The following XRN1 variants were observed in gnomAD, a reference collection of about 807,000 sequenced individuals.
XRN1 encodes the protein strand-exchange protein 1 homolog.
A neutral mutation model predicts 222.3 loss-of-function variants in XRN1; 67 were observed. That is an observed-to-expected ratio of 0.30 (90% CI 0.25 to 0.37). XRN1 has a LOEUF of 0.37. Among genes scored for constraint, XRN1 ranks in the 10% least tolerant of loss-of-function variants. The pLI is 1.00. For synonymous variants in XRN1, 643 were observed against 652.4 expected, an observed-to-expected ratio of 0.99 and a Z score of 0.22; for missense variants, 1,707 against 2,000.2, an observed-to-expected ratio of 0.85 and a Z score of 2.80.
rs537345336 is a variant in XRN1, at chr3:142,434,142, ATTTATT to A, written c.76-1255_76-1250del. 5.9e-4 allele frequency among the ~76,000 whole-genome samples: 89 copies of A among 152,010 alleles called. 1 individual carries two copies. The South Asian group carries it at 0.018, about 30-fold the overall frequency. On this transcript the variant is annotated intron_variant, in intron 1 of 40. Coordinates refer to ENST00000392981, the MANE Select transcript of XRN1 (RefSeq NM_001282857.2). Reference sequence around the variant, plus strand: ...TGTGACTTTTCAACAGGGGTATTTTATTTATTTTTATTTTTATTTTTTGAGACAGGG... The same window carrying A: ...TGTGACTTTTCAACAGGGGTATTTTATTTATTTTTATTTTTTGAGACAGGG...
At chr3:142,419,726 C>T (rs975808309) in intron 10 of XRN1, among the ~76,000 whole-genome samples, 6 of 151,658 alleles carry the variant, frequency 4.0e-5, no homozygotes, top group African/African-American at 9.7e-5. Context: ...GGAATTCAAG[C>T]GAACCCAGGA....
rs746896799 is a variant in XRN1, at chr3:142,308,365, G to C, written c.*3146C>G. 1 of 152,000 alleles carries C rather than the reference G, an allele frequency of 6.6e-6. No individual in the cohort carries two copies. Among genetic ancestry groups the C allele is most frequent in the Non-Finnish European group, 1.5e-5 (1 of 68,006 alleles). 9.4% of individuals were successfully genotyped at this position (152,000 alleles called of 1,614,324 possible). ...AAGTAGCAGTCTAAAATGAAAGCAGGTACCTGATCATAGAAAGAAACAATA... is the reference window on the plus strand; with the variant it reads ...AAGTAGCAGTCTAAAATGAAAGCAGCTACCTGATCATAGAAAGAAACAATA... On this transcript the variant is annotated 3_prime_UTR_variant, in exon 41 of 41. Transcript: ENST00000392981.
chr3:142,411,356 T>G (rs2108061665), intron 15 of XRN1, among the ~76,000 whole-genome samples: 1 of 152,334 alleles, frequency 6.6e-6, no homozygotes, highest in South Asian at 2.1e-4. Flanking sequence ...TCTGCTTCTT[T>G]TTATTTCCTT....
At chr3:142,398,854 G>C (rs1338979838) in intron 19 of XRN1, among the ~76,000 whole-genome samples, 1 of 151,668 alleles carries the variant, frequency 6.6e-6, no homozygotes, top group Admixed American at 6.6e-5. Context: ...AAATAAAAAG[G>C]AAAAAATATT....
intron 31 of XRN1, among the ~76,000 whole-genome samples, 184 bp from the exon 32 acceptor site, chr3:142,355,680 G>GGT (rs2066448353): frequency 6.6e-6 from 1 of 151,972 alleles, no homozygotes; most frequent in Non-Finnish European, 1.5e-5. Context: ...GGGGAGCTGT[G>GGT]GTGGGGTCAT....
intron 20 of XRN1, among the ~76,000 whole-genome samples, chr3:142,387,224 T>C (rs556459064): frequency 6.6e-6 from 1 of 152,254 alleles, no homozygotes; most frequent in East Asian, 1.9e-4. Flanking sequence ...AAGAATACAC[T>C]CTGTGTGAAT....
At chr3:142,363,155 G>A (rs757048310) in intron 29 of XRN1, among the ~76,000 whole-genome samples, 7 of 151,872 alleles carry the variant, frequency 4.6e-5, no homozygotes, top group Non-Finnish European at 1.0e-4. Context: ...TCTCCTAAAA[G>A]TTCTATAATT....
At chr3:142,344,505 T>C (rs1003237055) in intron 33 of XRN1, among the ~76,000 whole-genome samples, 1 of 152,116 alleles carries the variant, frequency 6.6e-6, no homozygotes, top group African/African-American at 2.4e-5. Flanking sequence ...TGAGATTATA[T>C]AGGAAAAAGT....
intron 19 of XRN1, among the ~76,000 whole-genome samples, chr3:142,398,137 C>T (rs768109003): frequency 3.2e-4 from 48 of 151,902 alleles, no homozygotes; most frequent in Non-Finnish European, 1.3e-4. Flanking sequence ...CCCAGATACT[C>T]GGGAGGCTAA....
intron 2 of XRN1, among the ~76,000 whole-genome samples, chr3:142,429,320 T>C (rs2069414676): frequency 6.6e-6 from 1 of 151,920 alleles, no homozygotes; most frequent in Non-Finnish European, 1.5e-5. Flanking sequence ...CTAATTGTTT[T>C]TGTATTTTTA....
chr3:142,328,598 T>A (rs951009854), intron 37 of XRN1, among the ~76,000 whole-genome samples: 1 of 149,860 alleles, frequency 6.7e-6, no homozygotes, highest in Non-Finnish European at 1.5e-5. Context: ...AGGAAAAGAA[T>A]GTATATTCTA....
chr3:142,432,987 G>C (rs2069695000), intron 1 of XRN1, 94 bp from the exon 2 acceptor site: 1 of 961,532 alleles, frequency 1.0e-6, no homozygotes, highest in Non-Finnish European at 1.5e-6. Flanking sequence ...ATGATGAAAA[G>C]CAGGATTTGT....
intron 32 of XRN1, among the ~76,000 whole-genome samples, chr3:142,352,421 C>G (rs1466159789): frequency 6.6e-6 from 1 of 152,156 alleles, no homozygotes; most frequent in Non-Finnish European, 1.5e-5. Flanking sequence ...CTGAGGAGAA[C>G]TACGTATCTT....
chr3:142,360,001 G>A (rs2066572609), intron 29 of XRN1, 70 bp from the exon 30 acceptor site: 1 of 1,035,596 alleles, frequency 9.7e-7, no homozygotes, highest in Non-Finnish European at 1.4e-6. Context: ...ATAAGTTTTT[G>A]GAGTGTTTGG....
intron 37 of XRN1, among the ~76,000 whole-genome samples, chr3:142,329,096 A>C (rs1413422507): frequency 6.6e-6 from 1 of 151,916 alleles, no homozygotes; most frequent in Non-Finnish European, 1.5e-5. Flanking sequence ...GTAAATATGG[A>C]TATAAGTAAA....
chr3:142,358,632 A>G (rs2066530814), intron 30 of XRN1, among the ~76,000 whole-genome samples: 1 of 152,210 alleles, frequency 6.6e-6, no homozygotes, highest in Admixed American at 6.5e-5. Flanking sequence ...CTTAAAATAT[A>G]TTTTGGAAAG....
chr3:142,394,213 A>C (rs2067843465), intron 20 of XRN1, among the ~76,000 whole-genome samples: 1 of 152,128 alleles, frequency 6.6e-6, no homozygotes, highest in Non-Finnish European at 1.5e-5. Context: ...CTTCAGTAAC[A>C]TTCTTGCCAA....
rs566100116 is a variant in XRN1, at chr3:142,310,142, A to G, written c.*1369T>C. The G allele has an allele frequency of 1.3e-5, 2 of 152,750 alleles. No individual in the cohort carries two copies. Among genetic ancestry groups the G allele is most frequent in the Non-Finnish European group, 2.9e-5 (2 of 68,032 alleles). The allele number at this position is 152,750 out of a possible 1,614,324, so 9.5% of individuals were successfully genotyped here. ...AGCAGTTAGTGAAAGGAGTCCATTT[A>G]GTTTAATACCAGCATTTTAAAAAAC... On this transcript the variant is annotated 3_prime_UTR_variant, in exon 41 of 41. Transcript: ENST00000392981.
intron 1 of XRN1, among the ~76,000 whole-genome samples, chr3:142,437,506 G>C (rs1477776832): frequency 1.3e-5 from 2 of 152,092 alleles, no homozygotes. Flanking sequence ...ATCCTTAATA[G>C]CATAAAAGGT....
Sources: allele counts gnomAD v4.1 joint callset (sites outside exome capture counted in the v4.1 genomes callset), GRCh38; gene constraint gnomAD v4.1.1; transcripts MANE v1.5; gene names NCBI Gene and HGNC (gene_info 2026-07-23, HGNC 2026-07-21).